Variants in ZNF280D observed in about 807,000 individuals in gnomAD.
ZNF280D encodes the protein zinc finger protein 280D, also known as suppressor of hairy wing homolog 4.
A neutral mutation model predicts 94.7 loss-of-function variants in ZNF280D; 39 were observed. That is an observed-to-expected ratio of 0.41 (90% CI 0.32 to 0.54). The LOEUF is 0.54. ZNF280D is among the 20% of genes least tolerant of loss of function. The probability of loss-of-function intolerance (pLI) is 0.22; values close to 1 mark genes in which losing one functional copy is unlikely to be tolerated. For synonymous variants in ZNF280D, 398 were observed against 377.6 expected (o/e 1.05, Z -0.63); for missense variants, 1,090 against 1,149.3 (o/e 0.95, Z 0.75).
At chr15:56,717,115 A>G (rs2058089274) in intron 1 of ZNF280D, among the ~76,000 whole-genome samples, 2 of 152,206 alleles carry the variant, frequency 1.3e-5, no homozygotes, top group South Asian at 4.1e-4. Flanking sequence ...ATGCTAAGGC[A>G]TTGTGATAGG....
intron 13 of ZNF280D, among the ~76,000 whole-genome samples, chr15:56,669,871 TTTTATATATATATATATTATATA>T: frequency 5.3e-4 from 3 of 5,692 alleles, no homozygotes; most frequent in African/African-American, 1.4e-3. Context: ...TATATATATA[TTTTATATATATATATATTATATA>T]TATATATAAT....
chr15:56,657,706 A>G (rs1254658732), intron 17 of ZNF280D, among the ~76,000 whole-genome samples: 1 of 152,194 alleles, frequency 6.6e-6, no homozygotes, highest in Non-Finnish European at 1.5e-5. Context: ...GACTATAATC[A>G]AAAAGAGATA....
chr15:56,731,880 A>G (rs2058910610), intron 1 of ZNF280D, among the ~76,000 whole-genome samples: 1 of 152,208 alleles, frequency 6.6e-6, no homozygotes, highest in Non-Finnish European at 1.5e-5. Context: ...ACTCGAGAAT[A>G]AAAATATAAA....
Position 56,668,906 on chromosome 15 carries a change from T to G in ZNF280D, c.1462A>C (p.Lys488Gln), listed in dbSNP as rs1257150471. 2 of 1,612,276 alleles carry G rather than the reference T, an allele frequency of 1.2e-6. No homozygotes were observed. Among genetic ancestry groups the G allele is most frequent in the Non-Finnish European group, 1.7e-6 (2 of 1,179,138 alleles). Residue 488 changes from lysine (K) to glutamine (Q), a missense_variant, in exon 14 of 22, where the codon AAG becomes CAG. By Grantham distance (53) the Lys-to-Gln change is moderately conservative (BLOSUM62 1). Coordinates refer to ENST00000267807, the MANE Select transcript of ZNF280D (RefSeq NM_017661.4). ...TGAGTCTTATGATCCATTTTCTCCT[T>G]GCATGTCAAAAACTGCAGCCTGCAT... ...TKCRLQFLTC[K>Q]EKMDHKTQHH...
At chr15:56,669,891 T>C (rs1418018085) in intron 13 of ZNF280D, among the ~76,000 whole-genome samples, 1 of 8,154 alleles carries the variant, frequency 1.2e-4, no homozygotes, top group Non-Finnish European at 2.0e-4. Flanking sequence ...ATATATATTA[T>C]ATATATATAT....
intron 1 of ZNF280D, among the ~76,000 whole-genome samples, chr15:56,712,445 G>A (rs1376141824): frequency 6.6e-6 from 1 of 151,626 alleles, no homozygotes; most frequent in African/African-American, 2.4e-5. Context: ...TGGGCAATAT[G>A]GCAAAACCCC....
chr15:56,702,653 T>G (rs2057151825), intron 4 of ZNF280D, among the ~76,000 whole-genome samples: 1 of 152,280 alleles, frequency 6.6e-6, no homozygotes, highest in South Asian at 2.1e-4. Flanking sequence ...AATAGAATAT[T>G]ATGTCCCACT....
At chr15:56,731,708 CAT>C (rs1190526951) in intron 1 of ZNF280D, among the ~76,000 whole-genome samples, 1 of 152,032 alleles carries the variant, frequency 6.6e-6, no homozygotes, top group Non-Finnish European at 1.5e-5. Context: ...GCTGAACTGT[CAT>C]ATCCGTAATG....
intron 16 of ZNF280D, among the ~76,000 whole-genome samples, chr15:56,662,053 A>G (rs970979923): frequency 6.6e-6 from 1 of 152,184 alleles, no homozygotes; most frequent in Non-Finnish European, 1.5e-5. Flanking sequence ...TACATAATAA[A>G]ATACATGAAC....
At position 56,631,706 on chromosome 15, in the gene ZNF280D, C is replaced by G. The variant is rs1175898323; in HGVS notation, c.2732G>C (p.Ser911Thr). The G allele has an allele frequency of 1.2e-6, 2 of 1,614,006 alleles. No individual in the cohort carries two copies. The highest frequency in any genetic ancestry group is 1.7e-6 in the Non-Finnish European group (2 of 1,180,024). ...TTCCAAATGAATACTGCCTTGCTCG[C>G]TAACATCAGAACTAACAGATTCAGG... ...HEPESVSSDV[S>T]EQGSIHLEPL... Residue 911 changes from serine (S) to threonine (T), a missense_variant, in exon 22 of 22, where the codon AGC becomes ACC. Physicochemically the swap from Ser to Thr is moderately conservative, Grantham distance 58 (BLOSUM62 1). Coordinates refer to ENST00000267807, the MANE Select transcript of ZNF280D (RefSeq NM_017661.4).
intron 13 of ZNF280D, among the ~76,000 whole-genome samples, chr15:56,674,222 T>C (rs2055063903): frequency 6.6e-6 from 1 of 152,096 alleles, no homozygotes; most frequent in South Asian, 2.1e-4. Context: ...TTTCATTCAA[T>C]GAACATTTGC....
Position 56,693,095 on chromosome 15 carries a change from A to G in ZNF280D, c.499+3T>C, listed in dbSNP as rs1566990725. 1 of 1,580,518 alleles carries G rather than the reference A, an allele frequency of 6.3e-7. No homozygotes were observed. Among genetic ancestry groups the G allele is most frequent in the Non-Finnish European group, 8.7e-7 (1 of 1,155,018 alleles). On this transcript the variant is annotated splice_donor_region_variant and intron_variant, in intron 7 of 21. Coordinates refer to ENST00000267807, the MANE Select transcript of ZNF280D (RefSeq NM_017661.4). Reference sequence around the variant, plus strand: ...CCTTTATGAAAAAAATACTAAAACCAACCTGCCATAGAAAGTGTTGGTCCC... The same window carrying G: ...CCTTTATGAAAAAAATACTAAAACCGACCTGCCATAGAAAGTGTTGGTCCC...
intron 21 of ZNF280D, 36 bp downstream of exon 21, chr15:56,635,159 T>G (rs765232581): frequency 2.6e-5 from 35 of 1,348,032 alleles, no homozygotes; most frequent in Middle Eastern, 1.8e-4. Flanking sequence ...TTTGTATACT[T>G]GAATTTTATG....
chr15:56,664,302 G>A (rs2054147708), intron 16 of ZNF280D, among the ~76,000 whole-genome samples: 1 of 152,102 alleles, frequency 6.6e-6, no homozygotes, highest in East Asian at 1.9e-4. Context: ...ATGGTAAAAA[G>A]GAAGACAAGA....
chr15:56,666,047 A>T (rs1186454378), intron 16 of ZNF280D, among the ~76,000 whole-genome samples: 1 of 151,876 alleles, frequency 6.6e-6, no homozygotes, highest in Non-Finnish European at 1.5e-5. Flanking sequence ...AAGGCAGGGG[A>T]ATTGCTTGAT....
At chr15:56,648,849 A>ATACCATGTTTCCACCTCACCCTC (rs1435967421) in intron 19 of ZNF280D, among the ~76,000 whole-genome samples, 13 of 152,274 alleles carry the variant, frequency 8.5e-5, no homozygotes, top group Admixed American at 3.9e-4. Context: ...CAAATTTAGT[A>ATACCATGTTTCCACCTCACCCTC]TACCATGTTT....
At chr15:56,712,258 A>T (rs1596622151) in intron 1 of ZNF280D, among the ~76,000 whole-genome samples, 1 of 152,340 alleles carries the variant, frequency 6.6e-6, no homozygotes, top group East Asian at 1.9e-4. Flanking sequence ...ACATACTACT[A>T]ATCTAATAGA....
At chr15:56,727,872 G>A (rs768109700) in intron 1 of ZNF280D, among the ~76,000 whole-genome samples, 5 of 152,058 alleles carry the variant, frequency 3.3e-5, no homozygotes, top group African/African-American at 7.2e-5. Context: ...AGAGAATAAC[G>A]TATTTCTAAA....
chr15:56,637,651 A>G (rs2052420971), intron 20 of ZNF280D, among the ~76,000 whole-genome samples: 1 of 152,178 alleles, frequency 6.6e-6, no homozygotes, highest in Admixed American at 6.5e-5. Context: ...CCAAAGTATG[A>G]CATATGGACA....
Sources: gnomAD v4.1 joint callset for allele counts (sites outside exome capture counted in the v4.1 genomes callset) on GRCh38, gnomAD v4.1.1 for gene constraint, MANE v1.5 for transcripts, NCBI Gene and HGNC (gene_info 2026-07-23, HGNC 2026-07-21) for gene names.